The following GPM6B variants were observed in gnomAD, a reference collection of about 807,000 sequenced individuals.
The protein encoded by GPM6B is neuronal membrane glycoprotein M6-b.
A neutral mutation model predicts 27.2 loss-of-function variants in GPM6B; 4 were observed. That is an observed-to-expected ratio of 0.15 (90% confidence interval 0.07 to 0.34). GPM6B has a LOEUF of 0.34. Among genes scored for constraint, GPM6B ranks in the 10% least tolerant of loss-of-function variants. The pLI, the probability that GPM6B is intolerant of heterozygous loss-of-function variation, is 1.00. For synonymous variants in GPM6B, 124 were observed against 103.1 expected (o/e 1.20, Z -1.23); for missense variants, 183 against 261.9 (o/e 0.70, Z 2.08).
At chrX:13,903,272 G>A (rs1224345979) in intron 1 of GPM6B, among the ~76,000 whole-genome samples, 1 of 111,499 alleles carries the variant, frequency 9.0e-6, no homozygotes, top group African/African-American at 3.3e-5. Context: ...TTTATACCAG[G>A]CTAACCCCCA....
chrX:13,884,195 TA>T (rs1164379950), intron 1 of GPM6B, among the ~76,000 whole-genome samples: 1 of 112,551 alleles, frequency 8.9e-6, no homozygotes, highest in Non-Finnish European at 1.9e-5. Context: ...AAATAAATTT[TA>T]AAAAGTTAAT....
In GPM6B at chrX:13,816,932, T is replaced by C; in HGVS notation, c.-28A>G. The C allele has an allele frequency of 8.4e-7, 1 of 1,186,434 alleles. No homozygotes were observed. The highest frequency in any genetic ancestry group is 1.1e-6 in the Non-Finnish European group (1 of 884,516). The stretch of plus-strand genomic sequence containing the variant: ...CATCCACCAAAAATGCTTTTCCCCC[T>C]GTTCCCCCCAACACACACTTGTTTT... On this transcript the variant is annotated 5_prime_UTR_variant, in exon 1 of 8. Coordinates refer to ENST00000316715, the MANE Select transcript of GPM6B (RefSeq NM_001001995.3).
At chrX:13,805,587 C>T (rs1451912265) in intron 2 of GPM6B, among the ~76,000 whole-genome samples, 1 of 112,437 alleles carries the variant, frequency 8.9e-6, no homozygotes, top group Non-Finnish European at 1.9e-5. Flanking sequence ...TCAGCTGCCA[C>T]TGCTGCTATG....
At chrX:13,783,746 G>A (rs754754126) in intron 3 of GPM6B, 4 of 467,018 alleles carry the variant, frequency 8.6e-6, no homozygotes, top group Non-Finnish European at 1.5e-5. Context: ...CTTTGCTCAG[G>A]GCAGCATCCA....
chrX:13,908,896 C>A (rs1452169651), intron 1 of GPM6B, among the ~76,000 whole-genome samples: 1 of 112,129 alleles, frequency 8.9e-6, no homozygotes, highest in African/African-American at 3.2e-5. Context: ...ATTTACTGAA[C>A]ACAAAGCTAG....
intron 1 of GPM6B, among the ~76,000 whole-genome samples, chrX:13,900,489 G>A (rs956910811): frequency 1.8e-5 from 2 of 110,707 alleles, no homozygotes; most frequent in African/African-American, 6.6e-5. Flanking sequence ...AACACGCGGG[G>A]TAAACTGAGG....
chrX:13,927,301 T>G (rs1475498873), intron 1 of GPM6B, among the ~76,000 whole-genome samples: 1 of 112,883 alleles, frequency 8.9e-6, no homozygotes, highest in Non-Finnish European at 1.9e-5. Flanking sequence ...TATAAATTGA[T>G]ACCACCACTT....
Position 13,783,347 on chromosome X carries a change from A to T in GPM6B, c.525+18T>A. 8.6e-7 allele frequency: 1 copy of T among 1,157,484 alleles called. No homozygotes were observed. Among genetic ancestry groups the T allele is most frequent in the Non-Finnish European group, 1.2e-6 (1 of 864,350 alleles). ...CTGGTTGTATATCAAACAATCAGTT[A>T]TCAGAGGTTCAACTCACCATTCCAC... On this transcript the variant is annotated intron_variant, in intron 4 of 7. Coordinates refer to ENST00000316715, the MANE Select transcript of GPM6B (RefSeq NM_001001995.3).
chrX:13,852,773 C>CT (rs386416656), intron 1 of GPM6B, among the ~76,000 whole-genome samples: 3,796 of 88,916 alleles, frequency 0.043, 174 homozygotes, highest in South Asian at 0.24. Context: ...ACAACAAAAA[C>CT]TTTTTTTTTT....
intron 2 of GPM6B, among the ~76,000 whole-genome samples, chrX:13,796,872 T>G (rs2048825811): frequency 8.9e-6 from 1 of 112,236 alleles, no homozygotes; most frequent in Admixed American, 9.4e-5. Context: ...AACAACCAGA[T>G]ACTTGTTAGT....
intron 1 of GPM6B, among the ~76,000 whole-genome samples, chrX:13,906,332 T>C (rs2050330883): frequency 8.9e-6 from 1 of 112,148 alleles, no homozygotes; most frequent in Non-Finnish European, 1.9e-5. Flanking sequence ...CCAAATTTAA[T>C]TCTAAAGACC....
chrX:13,826,003 T>C (rs1014013579), intron 1 of GPM6B, among the ~76,000 whole-genome samples: 5 of 111,443 alleles, frequency 4.5e-5, no homozygotes, highest in African/African-American at 1.3e-4. Flanking sequence ...CTCCAAGATT[T>C]AAGGAATTTC....
intron 1 of GPM6B, among the ~76,000 whole-genome samples, chrX:13,910,128 A>C (rs181403813): frequency 8.9e-6 from 1 of 112,321 alleles, no homozygotes; most frequent in East Asian, 2.8e-4. Flanking sequence ...TCCACCCTGG[A>C]GGGTGGTGTG....
In GPM6B at chrX:13,785,706, C is replaced by T. The variant is rs909900732; in HGVS notation, c.284G>A (p.Gly95Glu). 8.3e-7 allele frequency: 1 copy of T among 1,211,736 alleles called. No homozygotes were observed. The highest frequency in any genetic ancestry group is 1.1e-6 in the Non-Finnish European group (1 of 895,282). ...FSGVALFCGC[G>E]HVALAGTVAI... ...CACGGTGCCTGCGAGAGCCACATGC[C>T]CACAGCCGCAGAATAAGGCCACCCC... Residue 95 changes from glycine (G) to glutamate (E), a missense_variant, in exon 3 of 8, where the codon GGG becomes GAG. Gly to Glu is a moderately conservative substitution (Grantham distance 98). Transcript: ENST00000316715.
chrX:13,826,752 T>A (rs2049378799), intron 1 of GPM6B, among the ~76,000 whole-genome samples: 1 of 110,240 alleles, frequency 9.1e-6, no homozygotes, highest in Admixed American at 9.7e-5. Context: ...TTTTTTGTTT[T>A]TTTTTTAAAG....
chrX:13,776,318 G>A lies in GPM6B; in HGVS notation c.772-15C>T, dbSNP rs746546407. On this transcript the variant is annotated splice_polypyrimidine_tract_variant and intron_variant, in intron 6 of 7. Coordinates refer to ENST00000316715, the MANE Select transcript of GPM6B (RefSeq NM_001001995.3). ...GACATGTAGAACTACAAAAGAACAG[G>A]GCATCAACATAAGCATTTGATGTTA... 3.4e-6 allele frequency: 4 copies of A among 1,177,803 alleles called. No homozygotes were observed. In the East Asian group the frequency reaches 8.9e-5, roughly 26 times the overall value.
At chrX:13,926,200 G>A (rs180981178) in intron 1 of GPM6B, among the ~76,000 whole-genome samples, 5 of 108,181 alleles carry the variant, frequency 4.6e-5, no homozygotes, top group East Asian at 5.8e-4. Flanking sequence ...TCAGGAGATC[G>A]AGACCATCCT....
chrX:13,875,473 CAAG>C (rs2050023851), intron 1 of GPM6B, among the ~76,000 whole-genome samples: 1 of 111,585 alleles, frequency 9.0e-6, no homozygotes. Flanking sequence ...GGTAGCTCCT[CAAG>C]AAGTTAAACA....
chrX:13,828,447 C>A (rs996603691), intron 1 of GPM6B, among the ~76,000 whole-genome samples: 5 of 111,114 alleles, frequency 4.5e-5, no homozygotes, highest in African/African-American at 1.3e-4. Context: ...CAGATGCAGC[C>A]CCCTGGACCT....
Sources: gnomAD v4.1 joint callset for allele counts (sites outside exome capture counted in the v4.1 genomes callset) on GRCh38, gnomAD v4.1.1 for gene constraint, MANE v1.5 for transcripts, NCBI Gene and HGNC (gene_info 2026-07-23, HGNC 2026-07-21) for gene names.